The following CMIP variants were observed in gnomAD, a reference collection of about 807,000 sequenced individuals.
CMIP encodes the protein c-Maf inducing protein, also known as C-Maf-inducing protein.
In CMIP, 13 loss-of-function variants were observed where a neutral mutation model predicts 97.3. The ratio of observed to expected loss-of-function variants is 0.13; its 90% confidence interval spans 0.09 to 0.21. The LOEUF (loss-of-function observed/expected upper bound fraction) is 0.21. Ranked by LOEUF, CMIP falls within the 10% of genes least tolerant of loss-of-function variation. The pLI is 1.00. For synonymous variants in CMIP, 538 were observed against 436.3 expected, an observed-to-expected ratio of 1.23 and a Z score of -2.91; for missense variants, 847 against 1,024.9, an observed-to-expected ratio of 0.83 and a Z score of 2.37.
At chr16:81,454,977 T>C (rs1022316852) in intron 1 of CMIP, among the ~76,000 whole-genome samples, 3 of 151,504 alleles carry the variant, frequency 2.0e-5, no homozygotes, top group Admixed American at 2.0e-4. Context: ...ATTCCGGGAG[T>C]CTGTGCAGTT....
intron 1 of CMIP, among the ~76,000 whole-genome samples, chr16:81,499,486 G>C (rs2150775626): frequency 6.6e-6 from 1 of 152,354 alleles, no homozygotes; most frequent in East Asian, 1.9e-4. Flanking sequence ...ACCTGGCGAT[G>C]ACCTCTGAGT....
intron 1 of CMIP, among the ~76,000 whole-genome samples, chr16:81,579,186 A>G (rs1046976890): frequency 3.9e-5 from 6 of 152,132 alleles, no homozygotes; most frequent in South Asian, 2.1e-4. Context: ...CAGGGATGAT[A>G]AGGGGTTACT....
At chr16:81,694,896 G>C (rs913762324) in intron 13 of CMIP, among the ~76,000 whole-genome samples, 1 of 152,218 alleles carries the variant, frequency 6.6e-6, no homozygotes, top group East Asian at 1.9e-4. Flanking sequence ...TGGATATGGT[G>C]CTTTTAAATG....
At chr16:81,586,683 G>C (rs74031207) in intron 1 of CMIP, among the ~76,000 whole-genome samples, 7 of 151,952 alleles carry the variant, frequency 4.6e-5, no homozygotes, top group African/African-American at 1.7e-4. Flanking sequence ...CTCAAACATC[G>C]CATACTCTCT....
chr16:81,560,498 G>T (rs1169914270), intron 1 of CMIP, among the ~76,000 whole-genome samples: 3 of 152,158 alleles, frequency 2.0e-5, no homozygotes, highest in African/African-American at 7.2e-5. Context: ...GATTACAGGC[G>T]TGAGCCACTG....
intron 8 of CMIP, among the ~76,000 whole-genome samples, chr16:81,671,396 G>C (rs190395092): frequency 1.3e-4 from 20 of 152,336 alleles, no homozygotes; most frequent in Admixed American, 1.1e-3. Flanking sequence ...GCCAAGACAA[G>C]TAATAATTAG....
intron 1 of CMIP, among the ~76,000 whole-genome samples, chr16:81,532,790 G>A (rs1400853505): frequency 6.6e-6 from 1 of 152,176 alleles, no homozygotes; most frequent in Non-Finnish European, 1.5e-5. Flanking sequence ...TGCCATGCTT[G>A]GCTGATCTCT....
At chr16:81,626,653 G>T (rs1483625212) in intron 3 of CMIP, among the ~76,000 whole-genome samples, 1 of 148,374 alleles carries the variant, frequency 6.7e-6, no homozygotes. Flanking sequence ...GTGTGTGTGT[G>T]GTGTGTGGGG....
At chr16:81,547,615 A>G (rs1597541046) in intron 1 of CMIP, among the ~76,000 whole-genome samples, 1 of 133,988 alleles carries the variant, frequency 7.5e-6, no homozygotes, top group Admixed American at 6.9e-5. Context: ...GAAGCGGGGG[A>G]GGAGGAGGAG....
intron 1 of CMIP, among the ~76,000 whole-genome samples, chr16:81,586,195 C>G (rs887701834): frequency 1.3e-5 from 2 of 152,086 alleles, no homozygotes; most frequent in African/African-American, 4.8e-5. Flanking sequence ...CATCAGGACC[C>G]CACTTACCAG....
intron 1 of CMIP, among the ~76,000 whole-genome samples, chr16:81,492,236 G>A (rs2089417380): frequency 6.6e-6 from 1 of 152,182 alleles, no homozygotes; most frequent in African/African-American, 2.4e-5. Flanking sequence ...TCCACAGGGT[G>A]CAAGCGTCCT....
chr16:81,560,856 T>C (rs1218095109), intron 1 of CMIP, among the ~76,000 whole-genome samples: 1 of 152,228 alleles, frequency 6.6e-6, no homozygotes, highest in Admixed American at 6.5e-5. Context: ...TAGTAGGCCG[T>C]ATACCATGTA....
intron 1 of CMIP, among the ~76,000 whole-genome samples, chr16:81,505,681 A>C (rs946314059): frequency 1.3e-5 from 2 of 152,216 alleles, no homozygotes; most frequent in African/African-American, 4.8e-5. Flanking sequence ...CTCCTCAGTG[A>C]AAGAGTGGCT....
intron 1 of CMIP, among the ~76,000 whole-genome samples, chr16:81,602,477 T>C (rs9921574): frequency 0.016 from 2,468 of 152,332 alleles, 66 homozygotes; most frequent in African/African-American, 0.057. Context: ...AGTCACGCTT[T>C]TAGCGTGCAG....
Position 81,627,885 on chromosome 16 carries a change from A to G in CMIP, c.477+6959A>G, listed in dbSNP as rs1178332801. ...GGGGACCACAACCCTCAAAGTCCCC[A>G]GCACCAAGGCAAAGTGCCTGGGGCT... On this transcript the variant is annotated intron_variant, in intron 3 of 20. Transcript: ENST00000537098. This position sits in a 1 kb window ranked among gnomAD's most constrained non-coding sequence, Gnocchi z 4.6. Among the ~76,000 whole-genome samples, 1 of 152,172 alleles carries G rather than the reference A, an allele frequency of 6.6e-6. No homozygotes were observed.
At chr16:81,460,666 C>T (rs1269742789) in intron 1 of CMIP, among the ~76,000 whole-genome samples, 2 of 152,196 alleles carry the variant, frequency 1.3e-5, no homozygotes, top group African/African-American at 2.4e-5. Context: ...CTCCCAGGAC[C>T]CTGGCTGATG....
At chr16:81,605,519 G>A (rs1349190803) in intron 1 of CMIP, among the ~76,000 whole-genome samples, 1 of 152,044 alleles carries the variant, frequency 6.6e-6, no homozygotes, top group Non-Finnish European at 1.5e-5. Flanking sequence ...AAACCCCTGG[G>A]AGGAATCCCT....
intron 3 of CMIP, among the ~76,000 whole-genome samples, chr16:81,626,549 A>C (rs575454473): frequency 9.0e-6 from 1 of 110,620 alleles, no homozygotes; most frequent in Non-Finnish European, 1.8e-5. Flanking sequence ...ATGGGTGTGC[A>C]TGTGTGTGTG....
intron 1 of CMIP, among the ~76,000 whole-genome samples, chr16:81,494,721 G>T (rs2089460045): frequency 1.3e-5 from 2 of 152,226 alleles, no homozygotes; most frequent in Admixed American, 6.5e-5. Context: ...CAAAGCCTGT[G>T]CTCTTTCGAC....
Sources: gnomAD v4.1 joint callset for allele counts (sites outside exome capture counted in the v4.1 genomes callset) on GRCh38, gnomAD v4.1.1 for gene constraint, Gnocchi (gnomAD v3.1) non-coding constraint, MANE v1.5 for transcripts, NCBI Gene and HGNC (gene_info 2026-07-23, HGNC 2026-07-21) for gene names.